Variants in JAG2 observed in about 807,000 individuals in gnomAD.
JAG2 encodes protein jagged-2.
Under a neutral mutation model 141.7 loss-of-function variants are expected in JAG2, and 46 were observed. The observed-to-expected ratio is 0.32, with a 90% CI of 0.26 to 0.42. The LOEUF is 0.42. Ranked by LOEUF, JAG2 falls within the 10% of genes least tolerant of loss-of-function variation. JAG2 has a pLI of 1.00. For missense variants in JAG2, 1,500 were observed against 1,817.5 expected, an observed-to-expected ratio of 0.83 and a Z score of 3.18; for synonymous variants, 862 against 763.5, an observed-to-expected ratio of 1.13 and a Z score of -2.13.
In JAG2 at chr14:105,165,335, A is replaced by T. The variant is rs587677625; in HGVS notation, c.417+2422T>A. 8.1e-4 allele frequency among the ~76,000 whole-genome samples: 123 copies of T among 152,332 alleles called. 1 individual carries two copies. Among genetic ancestry groups the T allele is most frequent in the Non-Finnish European group, 1.6e-3 (106 of 68,022 alleles). ...TCACCACCTGCCATGCCTACAGAGC[A>T]CCCGGGGTGCGTGCACACACGCAGC... On this transcript the variant is annotated intron_variant, in intron 2 of 25. Transcript: ENST00000331782.
Position 105,152,071 on chromosome 14 carries a change from T to G in JAG2, c.920-14A>C, listed in dbSNP as rs1595179822. 1 of 1,612,476 alleles carries G rather than the reference T, an allele frequency of 6.2e-7. No homozygotes were observed. Among genetic ancestry groups the G allele is most frequent in the Non-Finnish European group, 8.5e-7 (1 of 1,179,780 alleles). ...AGTAGTTCAGGTCTGGGGGCAGGGG[T>G]GGGATGCTCAGGGGAAAAGCCGGCC... On this transcript the variant is annotated splice_polypyrimidine_tract_variant and intron_variant, in intron 6 of 25. Coordinates refer to ENST00000331782, the MANE Select transcript of JAG2 (RefSeq NM_002226.5).
In JAG2 at chr14:105,168,743, C is replaced by G; in HGVS notation, c.-323G>C. 1 of 173,316 alleles carries G rather than the reference C, an allele frequency of 5.8e-6. No homozygotes were observed. The highest frequency in any genetic ancestry group is 1.7e-4 in the South Asian group (1 of 5,842). 10.7% of individuals were successfully genotyped at this position (173,316 alleles called of 1,614,324 possible). On this transcript the variant is annotated 5_prime_UTR_variant, in exon 1 of 26. Coordinates refer to ENST00000331782, the MANE Select transcript of JAG2 (RefSeq NM_002226.5). ...GCCTCGGCTCTGCGCGCCCGCGCTC[C>G]CGGCACCGCAGCCAACAAGTTCGGA...
chr14:105,146,255 G>T, intron 22 of JAG2, 130 bp downstream of exon 22: 1 of 873,392 alleles, frequency 1.1e-6, no homozygotes, highest in East Asian at 2.6e-5. Context: ...TCGCCTCCCT[G>T]GGTGTCCCTG....
At chr14:105,160,602 C>G (rs587620128) in intron 2 of JAG2, among the ~76,000 whole-genome samples, 59 of 151,934 alleles carry the variant, frequency 3.9e-4, no homozygotes, top group African/African-American at 1.3e-3. Flanking sequence ...GTGGCTCACG[C>G]CTGTAATCCC....
rs201238007 is a variant in JAG2, at chr14:105,157,781, C to T, written c.418-18G>A. 1.0e-3 allele frequency: 1,598 copies of T among 1,563,328 alleles called. 23 individuals are homozygous for T. The East Asian group carries it at 0.034, about 33-fold the overall frequency. On this transcript the variant is annotated intron_variant, in intron 2 of 25. Transcript: ENST00000331782. ...AAGGAGCGCTGCAGACATGGGGAGG[C>T]GGGTCAGGTACCTGAGGCCACACCT...
intron 2 of JAG2, among the ~76,000 whole-genome samples, chr14:105,162,289 C>G (rs1595188815): frequency 6.6e-6 from 1 of 152,078 alleles, no homozygotes; most frequent in Non-Finnish European, 1.5e-5. Context: ...GACCCACCCC[C>G]ACCGCACAAG....
intron 24 of JAG2, 108 bp from the exon 25 acceptor site, chr14:105,143,746 G>T: frequency 7.3e-7 from 1 of 1,362,956 alleles, no homozygotes; most frequent in Non-Finnish European, 1.0e-6. Context: ...GGGCGCACGG[G>T]AGACGAGAGC....
chr14:105,146,567 GC>G (rs755092721), intron 21 of JAG2, 43 bp downstream of exon 21: 2 of 1,604,748 alleles, frequency 1.2e-6, no homozygotes, highest in South Asian at 1.1e-5. Flanking sequence ...TGTCACCCAT[GC>G]CCCCCAACCC....
rs1888515090 is a variant in JAG2, at chr14:105,154,168, A to G, written c.788+1394T>C. On this transcript the variant is annotated intron_variant, in intron 5 of 25. Coordinates refer to ENST00000331782, the MANE Select transcript of JAG2 (RefSeq NM_002226.5). This position sits in a 1 kb window ranked among gnomAD's most constrained non-coding sequence, Gnocchi z 4.4. ...TGGCTCCCAACTCAGCTGGTTCCCA[A>G]ACTCCCCGACTCCTCTCCAAAACGC... Among the ~76,000 whole-genome samples the G allele has an allele frequency of 6.6e-6, 1 of 152,048 alleles. No homozygotes were observed. The highest frequency in any genetic ancestry group is 2.1e-4 in the South Asian group (1 of 4,822).
chr14:105,161,180 G>A (rs1888737402), intron 2 of JAG2, among the ~76,000 whole-genome samples: 1 of 144,392 alleles, frequency 6.9e-6, no homozygotes, highest in Non-Finnish European at 1.5e-5. Context: ...GTTGTTGGGG[G>A]TCTGAGTGAG....
At chr14:105,155,292 G>A (rs190523182) in intron 5 of JAG2, among the ~76,000 whole-genome samples, 1 of 152,072 alleles carries the variant, frequency 6.6e-6, no homozygotes, top group African/African-American at 2.4e-5. Flanking sequence ...TGCAGCCTCC[G>A]GGTCTCTGCC....
Position 105,144,076 on chromosome 14 carries a change from C to T in JAG2, c.3085-438G>A, listed in dbSNP as rs151085872. 5.6e-3 allele frequency among the ~76,000 whole-genome samples: 858 copies of T among 152,104 alleles called. 6 individuals carry two copies. Among genetic ancestry groups the T allele is most frequent in the Non-Finnish European group, 9.0e-3 (612 of 67,944 alleles). On this transcript the variant is annotated intron_variant, in intron 24 of 25. Transcript: ENST00000331782. ...GCCCGGGGTCCTGCGGTGGGGACCT[C>T]GCCACCAGGCAGTGAGTTGGGGAGG...
chr14:105,149,461 C>A, intron 12 of JAG2, 141 bp from the exon 13 acceptor site: 1 of 1,020,182 alleles, frequency 9.8e-7, no homozygotes. Context: ...AGCCAGAGCC[C>A]AAGACCCCTG....
At position 105,164,594 on chromosome 14, in the gene JAG2, A is replaced by G. The variant is rs1424571113; in HGVS notation, c.417+3163T>C. Among the ~76,000 whole-genome samples the G allele has an allele frequency of 2.6e-5, 4 of 152,240 alleles. No homozygotes were observed. In the East Asian group the frequency reaches 7.7e-4, roughly 29 times the overall value. The stretch of plus-strand genomic sequence containing the variant: ...GGTGCTGAACCTCACACCTGCCACG[A>G]GCAGCTTAGGTAGCTCCAGGCACAG... On this transcript the variant is annotated intron_variant, in intron 2 of 25. Coordinates refer to ENST00000331782, the MANE Select transcript of JAG2 (RefSeq NM_002226.5).
At chr14:105,161,432 C>G (rs983172526) in intron 2 of JAG2, among the ~76,000 whole-genome samples, 9 of 152,190 alleles carry the variant, frequency 5.9e-5, no homozygotes, top group Non-Finnish European at 1.5e-5. Flanking sequence ...TCAGGGCCAG[C>G]AGGGAGTTCC....
intron 2 of JAG2, among the ~76,000 whole-genome samples, chr14:105,161,724 C>T (rs1888753175): frequency 1.3e-5 from 2 of 152,146 alleles, no homozygotes; most frequent in African/African-American, 2.4e-5. Flanking sequence ...TTATTTGCCT[C>T]TTCTGTGAAT....
chr14:105,144,857 T>C, intron 24 of JAG2, 73 bp downstream of exon 24: 1 of 1,558,076 alleles, frequency 6.4e-7, no homozygotes, highest in African/African-American at 1.4e-5. Context: ...AGAGCCTCTG[T>C]CCAGCATAGC....
In JAG2 at chr14:105,145,836, GCACTCCCC is replaced by G; in HGVS notation, c.2839_2846del (p.Gly947ArgfsTer20). 6.4e-7 allele frequency: 1 copy of G among 1,562,400 alleles called. No individual in the cohort carries two copies. Among genetic ancestry groups the G allele is most frequent in the Non-Finnish European group, 8.7e-7 (1 of 1,154,156 alleles). On this transcript the variant is annotated frameshift_variant, in exon 23 of 26. Coordinates refer to ENST00000331782, the MANE Select transcript of JAG2 (RefSeq NM_002226.5). LOFTEE classifies it high-confidence loss of function. ...GGGTGCTCGGTGGCTCTTCTGCGCC[GCACTCCCC>G]CCAGGCCTCACAGGGTGGTCGCAGA... is the stretch of plus-strand genomic sequence containing the variant.
Position 105,152,124 on chromosome 14 carries a change from A to T in JAG2, c.919+37T>A, listed in dbSNP as rs1248339691. ...CCGCTCCCCCACAACCCACACTTCG[A>T]TGGCAGAGCATTAGGCCTGCCGCCC... On this transcript the variant is annotated intron_variant, in intron 6 of 25. Coordinates refer to ENST00000331782, the MANE Select transcript of JAG2 (RefSeq NM_002226.5). 4 of 1,613,342 alleles carry T rather than the reference A, an allele frequency of 2.5e-6. No homozygotes were observed. In the African/African-American group the frequency reaches 5.3e-5, roughly 22 times the overall value.
Sources: gnomAD v4.1 joint callset for allele counts (sites outside exome capture counted in the v4.1 genomes callset) on GRCh38, gnomAD v4.1.1 for gene constraint, Gnocchi (gnomAD v3.1) non-coding constraint, MANE v1.5 for transcripts, NCBI Gene and HGNC (gene_info 2026-07-23, HGNC 2026-07-21) for gene names.